Variants in XPO7 observed in about 807,000 individuals in gnomAD.
XPO7 encodes exportin 7.
In XPO7, 21 loss-of-function variants were observed where a neutral mutation model predicts 144.3. That is an observed-to-expected ratio of 0.15 (90% CI 0.10 to 0.21). The LOEUF (loss-of-function observed/expected upper bound fraction) is 0.21, where lower values mean the gene tolerates loss of function less well. Among genes scored for constraint, XPO7 ranks in the 10% least tolerant of loss-of-function variants. The pLI, the probability that XPO7 is intolerant of heterozygous loss-of-function variation, is 1.00. For synonymous variants in XPO7, 580 were observed against 499.6 expected (o/e 1.16, Z -2.15); for missense variants, 808 against 1,325.8 (o/e 0.61, Z 6.06).
chr8:21,998,660 C>T, intron 21 of XPO7, 95 bp from the exon 22 acceptor site: 1 of 968,196 alleles, frequency 1.0e-6, no homozygotes. Context: ...AATGTAAATG[C>T]AGGATCACCC....
intron 4 of XPO7, among the ~76,000 whole-genome samples, chr8:21,971,400 G>A (rs1040138818): frequency 5.9e-5 from 9 of 152,074 alleles, no homozygotes; most frequent in African/African-American, 2.2e-4. Context: ...TAAAAAAATT[G>A]GTATCTTATT....
chr8:21,925,956 C>A (rs753536122), intron 1 of XPO7, among the ~76,000 whole-genome samples: 12 of 152,170 alleles, frequency 7.9e-5, no homozygotes, highest in Non-Finnish European at 1.3e-4. Flanking sequence ...TAGCACTTCT[C>A]ACAAATTGAG....
chr8:21,999,354 C>G (rs377069206), intron 23 of XPO7, 49 bp downstream of exon 23: 1 of 1,603,792 alleles, frequency 6.2e-7, no homozygotes, highest in Non-Finnish European at 8.5e-7. Context: ...TCACATTCAG[C>G]CTTTTTCACC....
At chr8:21,986,108 A>G (rs1344290404) in intron 13 of XPO7, among the ~76,000 whole-genome samples, 1 of 147,136 alleles carries the variant, frequency 6.8e-6, no homozygotes, top group Admixed American at 6.7e-5. Context: ...GTTATTTTTC[A>G]TCTGTGCAAT....
chr8:21,970,025 G>A, intron 3 of XPO7, 119 bp from the exon 4 acceptor site: 1 of 1,142,894 alleles, frequency 8.7e-7, no homozygotes, highest in South Asian at 1.6e-5. Context: ...AGACAGTTTG[G>A]GTTAAATAGT....
intron 8 of XPO7, among the ~76,000 whole-genome samples, chr8:21,978,998 A>G (rs970175238): frequency 6.6e-6 from 1 of 152,330 alleles, no homozygotes; most frequent in African/African-American, 2.4e-5. Flanking sequence ...GAGGGGGCAA[A>G]CAGAGAATGT....
chr8:21,945,189 A>G (rs1811145940), intron 1 of XPO7, among the ~76,000 whole-genome samples: 1 of 152,176 alleles, frequency 6.6e-6, no homozygotes, highest in South Asian at 2.1e-4. Flanking sequence ...GCAGCTGGGC[A>G]GAGGCGCCCC....
intron 1 of XPO7, among the ~76,000 whole-genome samples, chr8:21,926,482 AATTCT>A (rs1193275847): frequency 6.6e-6 from 1 of 152,138 alleles, no homozygotes; most frequent in Non-Finnish European, 1.5e-5. Flanking sequence ...GATTTTTTCC[AATTCT>A]ATTTAAAATT....
chr8:21,970,360 A>G (rs774083065), intron 4 of XPO7, 50 bp downstream of exon 4: 137 of 1,523,296 alleles, frequency 9.0e-5, no homozygotes, highest in South Asian at 4.8e-4. Context: ...CAGCATATAC[A>G]TATATATAAA....
intron 27 of XPO7, 35 bp from the exon 28 acceptor site, chr8:22,004,960 T>A: frequency 4.3e-5 from 24 of 556,538 alleles, no homozygotes; most frequent in Non-Finnish European, 5.7e-5. Flanking sequence ...TCCCCCCCAC[T>A]CTCCTCCCCC....
intron 25 of XPO7, 187 bp from the exon 26 acceptor site, chr8:22,003,032 G>T: frequency 2.3e-6 from 1 of 443,358 alleles, no homozygotes; most frequent in Middle Eastern, 3.2e-4. Context: ...GAAAGGAAAT[G>T]AATATCTTAG....
At position 21,990,356 on chromosome 8, in the gene XPO7, A is replaced by C. The variant is rs199900873; in HGVS notation, c.1881A>C (p.Val627=). 1 of 1,613,808 alleles carries C rather than the reference A, an allele frequency of 6.2e-7. No homozygotes were observed. Among genetic ancestry groups the C allele is most frequent in the Non-Finnish European group, 8.5e-7 (1 of 1,179,696 alleles). Residue 627 remains valine, a synonymous_variant, in exon 17 of 28, where the codon GTA becomes GTC. Coordinates refer to ENST00000252512, the MANE Select transcript of XPO7 (RefSeq NM_015024.5). ...CCTTTGTCTTCACGTACAGTAGCGT[A>C]AGGAAGCTAGTGAAGCTTAGTGCGG... The part of the protein sequence containing the change: ...LNDLSIGYSS[V]RKLVKLSAVQ...
intron 1 of XPO7, among the ~76,000 whole-genome samples, chr8:21,937,655 A>G (rs1266233976): frequency 6.6e-6 from 1 of 152,206 alleles, no homozygotes; most frequent in East Asian, 1.9e-4. Flanking sequence ...TGAAATCATC[A>G]GAAGTTATTT....
At chr8:21,987,750 A>T (rs767194971) in intron 14 of XPO7, 34 bp from the exon 15 acceptor site, 1 of 1,610,288 alleles carries the variant, frequency 6.2e-7, no homozygotes, top group Middle Eastern at 1.7e-4. Flanking sequence ...GTTGTAATTC[A>T]TGTGTTCTGG....
rs767645116 is a variant in XPO7 at position 21,999,223 on chromosome 8, G to A, written c.2561G>A (p.Arg854His). The A allele has an allele frequency of 5.6e-6, 9 of 1,613,714 alleles. No homozygotes were observed. The highest frequency in any genetic ancestry group is 1.6e-4 in the Middle Eastern group (1 of 6,062). The change falls in exon 23 of 28, where the codon CGT becomes CAT. Residue 854 changes from arginine to histidine, a missense_variant. Transcript: ENST00000252512. ...AGTTACGTCAATTTCGGAGTCTTTCGTCTCTATGGAGACGATGCCCTGGAC... is the reference window on the plus strand; with the variant it reads ...AGTTACGTCAATTTCGGAGTCTTTCATCTCTATGGAGACGATGCCCTGGAC... ...SGSYVNFGVF[R>H]LYGDDALDNA...
intron 24 of XPO7, among the ~76,000 whole-genome samples, chr8:22,000,438 G>A (rs1006087487): frequency 2.7e-5 from 4 of 150,814 alleles, no homozygotes; most frequent in Non-Finnish European, 5.9e-5. Context: ...TTTGTTTCTA[G>A]GCTACCTTCC....
chr8:21,949,575 A>G (rs1014470946), intron 1 of XPO7, among the ~76,000 whole-genome samples: 2 of 152,252 alleles, frequency 1.3e-5, no homozygotes, highest in African/African-American at 4.8e-5. Flanking sequence ...TAGAAGAGCA[A>G]TATGGTGAAC....
At chr8:21,976,010 C>CT (rs1258668145) in intron 6 of XPO7, among the ~76,000 whole-genome samples, 1 of 152,158 alleles carries the variant, frequency 6.6e-6, no homozygotes, top group Non-Finnish European at 1.5e-5. Flanking sequence ...CTAGAAATAA[C>CT]TAAGATCTCA....
rs879852105 is a variant in XPO7, at chr8:21,950,967, CA to C, written c.19-15879del. 5.0e-3 allele frequency among the ~76,000 whole-genome samples: 713 copies of C among 143,208 alleles called. 3 individuals carry two copies. Among genetic ancestry groups the C allele is most frequent in the African/African-American group, 0.017 (654 of 39,144 alleles). The allele number at this position is 143,208 out of a possible 152,430, so 94.0% of individuals were successfully genotyped here. A position where few individuals can be genotyped will look rare whatever the true frequency, so the allele number is the denominator to read the frequency against. On this transcript the variant is annotated intron_variant, in intron 1 of 27. Coordinates refer to ENST00000252512, the MANE Select transcript of XPO7 (RefSeq NM_015024.5). ...CAAAACCTCGACTCTACAAAAAATACAAAAAAAAAAATTAGTTGGGCGCGGT... is the reference window on the plus strand; with the variant it reads ...CAAAACCTCGACTCTACAAAAAATACAAAAAAAAAATTAGTTGGGCGCGGT...
Sources: gnomAD v4.1 joint callset for allele counts (sites outside exome capture counted in the v4.1 genomes callset) on GRCh38, gnomAD v4.1.1 for gene constraint, MANE v1.5 for transcripts, NCBI Gene and HGNC (gene_info 2026-07-23, HGNC 2026-07-21) for gene names.